Variants in THOC7 observed in about 807,000 individuals in gnomAD.
The protein encoded by THOC7 is THO complex subunit 7, also known as NIF3L1-binding protein 1.
Under a neutral mutation model 33.1 loss-of-function variants are expected in THOC7, and 22 were observed. The observed-to-expected ratio is 0.66, with a 90% CI of 0.47 to 0.95. The LOEUF (loss-of-function observed/expected upper bound fraction) is 0.95. THOC7 is among the 40% of genes least tolerant of loss of function. THOC7 has a pLI of 0.00. For missense variants in THOC7, 184 were observed against 245.3 expected, an observed-to-expected ratio of 0.75 and a Z score of 1.67; for synonymous variants, 77 against 76.8, an observed-to-expected ratio of 1.00 and a Z score of -0.01.
At chr3:63,851,899 C>T (rs72890113) in intron 1 of THOC7, among the ~76,000 whole-genome samples, 4,332 of 152,200 alleles carry the variant, frequency 0.028, 126 homozygotes, top group African/African-American at 0.074. Flanking sequence ...TAAAAAATAA[C>T]CTTCAAGTCT....
At chr3:63,852,889 G>A (rs1202167817) in intron 1 of THOC7, among the ~76,000 whole-genome samples, 1 of 152,202 alleles carries the variant, frequency 6.6e-6, no homozygotes, top group African/African-American at 2.4e-5. Flanking sequence ...GATGGCTCAT[G>A]CCTATAATCC....
At chr3:63,837,885 G>C (rs1701666228) in intron 4 of THOC7, 91 bp downstream of exon 4, 1 of 1,116,068 alleles carries the variant, frequency 9.0e-7, no homozygotes, top group African/African-American at 1.6e-5. Context: ...GTTGATTCAG[G>C]CTGCAGATTT....
intron 1 of THOC7, among the ~76,000 whole-genome samples, chr3:63,847,554 A>G (rs980499943): frequency 2.0e-5 from 3 of 152,130 alleles, no homozygotes; most frequent in Admixed American, 6.5e-5. Flanking sequence ...CTGGCCAACA[A>G]GGCGAAACCC....
At chr3:63,835,685 C>G (rs569366451) in intron 5 of THOC7, among the ~76,000 whole-genome samples, 1 of 151,980 alleles carries the variant, frequency 6.6e-6, no homozygotes, top group Non-Finnish European at 1.5e-5. Context: ...AGTTTAACTT[C>G]GAGGGTTTTT....
intron 1 of THOC7, among the ~76,000 whole-genome samples, chr3:63,849,601 C>A (rs529829749): frequency 6.6e-6 from 1 of 152,062 alleles, no homozygotes; most frequent in Non-Finnish European, 1.5e-5. Context: ...ATTTAAAAGA[C>A]GGCTATGTAG....
intron 1 of THOC7, among the ~76,000 whole-genome samples, chr3:63,854,286 T>G (rs1702071699): frequency 6.6e-6 from 1 of 152,258 alleles, no homozygotes; most frequent in South Asian, 2.1e-4. Context: ...TGATAGTTCC[T>G]AACACAAATG....
Position 63,838,490 on chromosome 3 carries a change from C to T in THOC7, c.147G>A (p.Gln49=), listed in dbSNP as rs763110226. The T allele has an allele frequency of 2.5e-6, 4 of 1,584,110 alleles. No homozygotes were observed. The highest frequency in any genetic ancestry group is 2.4e-5 in the South Asian group (2 of 84,074). Residue 49 remains glutamine (Q), a synonymous_variant, in exon 3 of 8, where the codon CAG becomes CAA. Transcript: ENST00000295899. The stretch of plus-strand genomic sequence containing the variant: ...ACAGCGTGCTCAGCATACGTTGGTA[C>T]TGGCTATATCTAATGAAAAAGAAAG... The part of the protein sequence containing the change: ...NSGSQEEGYS[Q]YQRMLSTLSQ...
chr3:63,857,103 T>A (rs1702129363), intron 1 of THOC7, among the ~76,000 whole-genome samples: 1 of 152,158 alleles, frequency 6.6e-6, no homozygotes, highest in Non-Finnish European at 1.5e-5. Context: ...GGAATAGAAA[T>A]GGAACTCAAA....
At chr3:63,844,877 A>T in intron 1 of THOC7, 1 of 497,558 alleles carries the variant, frequency 2.0e-6, no homozygotes, top group Non-Finnish European at 3.6e-6. Flanking sequence ...GCCTTGGAAA[A>T]CAGAGTAAGA....
chr3:63,861,732 CTCAT>C (rs1399828842), intron 1 of THOC7: 1 of 151,856 alleles, frequency 6.6e-6, no homozygotes, highest in East Asian at 1.9e-4. Context: ...AACTTAGCTC[CTCAT>C]TTTCTCTTCC....
At chr3:63,846,458 A>G (rs1467704005) in intron 1 of THOC7, among the ~76,000 whole-genome samples, 1 of 152,050 alleles carries the variant, frequency 6.6e-6, no homozygotes, top group Non-Finnish European at 1.5e-5. Flanking sequence ...CCCAGGCTGG[A>G]GTGCAAGGGC....
Position 63,863,803 on chromosome 3 carries a change from G to T in THOC7, c.-13C>A. ...TCACGGCTCCCATGGCGTGCGCGGC[G>T]GCGGCGGCGGCGGCGGCGGCGCAAG... On this transcript the variant is annotated 5_prime_UTR_variant, in exon 1 of 8. Coordinates refer to ENST00000295899, the MANE Select transcript of THOC7 (RefSeq NM_025075.4). The T allele has an allele frequency of 9.1e-7, 1 of 1,096,690 alleles. No homozygotes were observed. The highest frequency in any genetic ancestry group is 1.1e-6 in the Non-Finnish European group (1 of 871,478). 67.9% of individuals were successfully genotyped at this position (1,096,690 alleles called of 1,614,324 possible).
At position 63,839,681 on chromosome 3, in the gene THOC7, A is replaced by T; in HGVS notation, c.112T>A (p.Cys38Ser). The stretch of plus-strand genomic sequence containing the variant: ...CCCTCTTCCTGGGACCCAGAGTTGC[A>T]CCATTTAATGAAACTCTTCACTAGC... Reference protein sequence around the residue: ...NLLVKSFIKWCNSGSQEEGYS... With the variant: ...NLLVKSFIKWSNSGSQEEGYS... Residue 38 changes from cysteine (C) to serine (S), a missense_variant, in exon 2 of 8, where the codon TGC (cysteine) becomes AGC (serine). Cys to Ser is a moderately radical substitution (Grantham distance 112). Coordinates refer to ENST00000295899, the MANE Select transcript of THOC7 (RefSeq NM_025075.4). The T allele has an allele frequency of 6.2e-7, 1 of 1,612,262 alleles. No homozygotes were observed. The highest frequency in any genetic ancestry group is 2.1e-4 in the Middle Eastern group (1 of 4,678).
intron 4 of THOC7, among the ~76,000 whole-genome samples, chr3:63,836,567 G>A (rs1266240675): frequency 6.6e-6 from 1 of 151,874 alleles, no homozygotes; most frequent in Non-Finnish European, 1.5e-5. Flanking sequence ...AGGGGTTTTA[G>A]CTCCCACTTT....
At chr3:63,836,240 G>A (rs546070410) in intron 5 of THOC7, 61 bp downstream of exon 5, 2 of 1,491,474 alleles carry the variant, frequency 1.3e-6, no homozygotes, top group Non-Finnish European at 1.8e-6. Context: ...AATGCCTACG[G>A]TAGTTTTCGA....
chr3:63,834,817 G>T (rs2087704), intron 7 of THOC7, among the ~76,000 whole-genome samples: 32,305 of 151,900 alleles, frequency 0.21, 3,500 homozygotes, highest in African/African-American at 0.26. Flanking sequence ...GCAAATGTTC[G>T]TATGTACTGA....
chr3:63,864,232 G>T (rs1430488867), upstream of THOC7, among the ~76,000 whole-genome samples: 1 of 150,866 alleles, frequency 6.6e-6, no homozygotes, highest in Non-Finnish European at 1.5e-5. Flanking sequence ...TCGGGGTCCC[G>T]GCTTCTTCCC....
At chr3:63,853,817 A>T (rs1702060754) in intron 1 of THOC7, among the ~76,000 whole-genome samples, 1 of 151,722 alleles carries the variant, frequency 6.6e-6, no homozygotes, top group African/African-American at 2.4e-5. Flanking sequence ...CTGAGGCAGG[A>T]GAATGGCGTG....
intron 1 of THOC7, chr3:63,848,408 T>G (rs1352168666): frequency 1.3e-5 from 2 of 152,178 alleles, no homozygotes; most frequent in Non-Finnish European, 2.9e-5. Flanking sequence ...GAAAATCGAC[T>G]CCACCTATGA....
Sources: allele counts gnomAD v4.1 joint callset (sites outside exome capture counted in the v4.1 genomes callset), GRCh38; gene constraint gnomAD v4.1.1; transcripts MANE v1.5; gene names NCBI Gene and HGNC (gene_info 2026-07-23, HGNC 2026-07-21).